PDZD2: variants seen among roughly 807,000 people sequenced by gnomAD.
PDZD2 encodes PDZ domain-containing protein 2.
In PDZD2, 90 loss-of-function variants were observed where a neutral mutation model predicts 220.7. The observed-to-expected ratio is 0.41, with a 90% CI of 0.34 to 0.49. PDZD2 has a LOEUF of 0.49. Ranked by LOEUF, PDZD2 falls within the 20% of genes least tolerant of loss-of-function variation. PDZD2 has a pLI of 0.28. For synonymous variants in PDZD2, 1,375 were observed against 1,450.5 expected, an observed-to-expected ratio of 0.95 and a Z score of 1.18; for missense variants, 3,174 against 3,608.5, an observed-to-expected ratio of 0.88 and a Z score of 3.08.
chr5:31,705,517 AC>A, intron 1 of PDZD2, among the ~76,000 whole-genome samples: 1 of 152,338 alleles, frequency 6.6e-6, no homozygotes, highest in South Asian at 2.1e-4. Context: ...GGTATTTTAT[AC>A]ATATCATCTA....
rs199721455 is a variant in PDZD2 at position 32,089,146 on chromosome 5, G to T, written c.5698G>T (p.Ala1900Ser). ...GGGCAAGGCCAAAGTCAACTCTGAG[G>T]CCCCTGCTGCGAATGCTGTGAAGGC... Reference protein sequence around the residue: ...LKGKAKVNSEAPAANAVKAGG... With the variant: ...LKGKAKVNSESPAANAVKAGG... Residue 1900 changes from alanine to serine, a missense_variant, in exon 20 of 25, where the codon GCC (alanine) becomes TCC (serine). Ala to Ser is a moderately conservative substitution (Grantham distance 99, BLOSUM62 1). Coordinates refer to ENST00000438447, the MANE Select transcript of PDZD2 (RefSeq NM_178140.4). The T allele has an allele frequency of 6.2e-7, 1 of 1,614,078 alleles. No individual in the cohort carries two copies. Among genetic ancestry groups the T allele is most frequent in the Admixed American group, 1.7e-5 (1 of 60,010 alleles).
At chr5:31,715,127 A>G (rs1748367958) in intron 1 of PDZD2, among the ~76,000 whole-genome samples, 1 of 151,704 alleles carries the variant, frequency 6.6e-6, no homozygotes, top group Admixed American at 6.6e-5. Flanking sequence ...ATGGGTTGAT[A>G]GGGCAAGGTG....
chr5:31,888,500 G>A (rs562668125), intron 2 of PDZD2, among the ~76,000 whole-genome samples: 3 of 152,204 alleles, frequency 2.0e-5, no homozygotes, highest in Admixed American at 6.6e-5. Flanking sequence ...CCCCATTGAA[G>A]GTTTTCTAAA....
At chr5:31,699,767 G>GT (rs56412370) in intron 1 of PDZD2, among the ~76,000 whole-genome samples, 5,186 of 142,902 alleles carry the variant, frequency 0.036, 112 homozygotes, top group Middle Eastern at 0.12. Context: ...ATGCCTGGCT[G>GT]TTTTTTTTTG....
chr5:31,866,100 C>T (rs1370086890), intron 2 of PDZD2, among the ~76,000 whole-genome samples: 1 of 152,042 alleles, frequency 6.6e-6, no homozygotes, highest in East Asian at 1.9e-4. Flanking sequence ...CTCTCTGGCT[C>T]AAGCAGTTCT....
intron 2 of PDZD2, among the ~76,000 whole-genome samples, chr5:31,869,468 C>A (rs972456039): frequency 6.6e-6 from 1 of 151,746 alleles, no homozygotes; most frequent in African/African-American, 2.4e-5. Context: ...GAGGCTGAGG[C>A]AGGAGAATGG....
chr5:31,882,088 C>T (rs1318573951), intron 2 of PDZD2, among the ~76,000 whole-genome samples: 1 of 152,154 alleles, frequency 6.6e-6, no homozygotes, highest in Non-Finnish European at 1.5e-5. Context: ...AAAACCCATC[C>T]TAAAAGTTGA....
chr5:31,939,837 G>C (rs1390728060), intron 2 of PDZD2, among the ~76,000 whole-genome samples: 1 of 152,096 alleles, frequency 6.6e-6, no homozygotes, highest in African/African-American at 2.4e-5. Flanking sequence ...TTTCCTTATG[G>C]TGAATAGAAT....
At chr5:31,801,140 T>G (rs1488228338) in intron 2 of PDZD2, among the ~76,000 whole-genome samples, 1 of 152,192 alleles carries the variant, frequency 6.6e-6, no homozygotes, top group African/African-American at 2.4e-5. Context: ...CAAATTCAAA[T>G]GATCCAGTAC....
At chr5:31,899,421 G>A (rs1741885672) in intron 2 of PDZD2, among the ~76,000 whole-genome samples, 1 of 152,126 alleles carries the variant, frequency 6.6e-6, no homozygotes, top group Non-Finnish European at 1.5e-5. Context: ...GCATGAGCCA[G>A]TGCGCCGGGC....
At chr5:32,105,157 A>G (rs777461839) in intron 24 of PDZD2, among the ~76,000 whole-genome samples, 8 of 152,122 alleles carry the variant, frequency 5.3e-5, no homozygotes, top group Non-Finnish European at 1.0e-4. Flanking sequence ...CAATCAATCA[A>G]TCAATCAATC....
intron 2 of PDZD2, among the ~76,000 whole-genome samples, chr5:31,816,283 A>G (rs1478325203): frequency 1.4e-4 from 20 of 141,842 alleles, no homozygotes; most frequent in African/African-American, 3.9e-4. Context: ...GCGAGACTCC[A>G]TCTCAAAAAA....
chr5:32,081,172 C>T (rs1741919004), intron 19 of PDZD2, among the ~76,000 whole-genome samples: 1 of 152,100 alleles, frequency 6.6e-6, no homozygotes, highest in Non-Finnish European at 1.5e-5. Flanking sequence ...AATTTCGTCT[C>T]CCAGCCCCGT....
chr5:31,902,473 G>T (rs1742188419), intron 2 of PDZD2, among the ~76,000 whole-genome samples: 1 of 149,294 alleles, frequency 6.7e-6, no homozygotes, highest in Non-Finnish European at 1.5e-5. Context: ...GGTTTGATTT[G>T]GATACTTTTT....
At chr5:32,013,618 C>T (rs928313365) in intron 6 of PDZD2, among the ~76,000 whole-genome samples, 3 of 152,138 alleles carry the variant, frequency 2.0e-5, no homozygotes, top group Admixed American at 1.3e-4. Context: ...ATTTCACCAC[C>T]GTTGTACCTG....
chr5:31,754,053 A>G (rs923993544), intron 1 of PDZD2, among the ~76,000 whole-genome samples: 3 of 152,228 alleles, frequency 2.0e-5, no homozygotes, highest in Non-Finnish European at 4.4e-5. Context: ...TGAACTCTGT[A>G]TCACAGGCTT....
At chr5:31,777,439 G>A (rs893680169) in intron 1 of PDZD2, among the ~76,000 whole-genome samples, 25 of 147,908 alleles carry the variant, frequency 1.7e-4, no homozygotes, top group African/African-American at 4.2e-4. Flanking sequence ...CCTCCCCGAC[G>A]GGCGCCGCCC....
chr5:31,661,901 G>C (rs1287322831), intron 1 of PDZD2, among the ~76,000 whole-genome samples: 2 of 151,812 alleles, frequency 1.3e-5, no homozygotes, highest in Admixed American at 1.3e-4. Flanking sequence ...AGACTCCTGG[G>C]TGGCCCAGAC....
chr5:31,669,700 A>G (rs988135519), intron 1 of PDZD2, among the ~76,000 whole-genome samples: 4 of 152,210 alleles, frequency 2.6e-5, no homozygotes, highest in African/African-American at 9.6e-5. Flanking sequence ...GAGCATTTGT[A>G]AAAGAAGAGG....
Sources: allele counts gnomAD v4.1 joint callset (sites outside exome capture counted in the v4.1 genomes callset), GRCh38; gene constraint gnomAD v4.1.1; transcripts MANE v1.5; gene names NCBI Gene and HGNC (gene_info 2026-07-23, HGNC 2026-07-21).